STK11: variants seen among roughly 807,000 people sequenced by gnomAD.
STK11 encodes the protein serine/threonine kinase 11, also known as serine/threonine-protein kinase STK11.
Under a neutral mutation model 47.3 loss-of-function variants are expected in STK11, and 8 were observed. The observed-to-expected ratio is 0.17, with a 90% CI of 0.10 to 0.31. The LOEUF (loss-of-function observed/expected upper bound fraction) is 0.31, where lower values mean the gene tolerates loss of function less well. STK11 is among the 10% of genes least tolerant of loss of function. The pLI is 1.00. For missense variants in STK11, 475 were observed against 605.0 expected, an observed-to-expected ratio of 0.79 and a Z score of 2.25; for synonymous variants, 330 against 255.8, an observed-to-expected ratio of 1.29 and a Z score of -2.77.
rs1057520874 is a variant in STK11, at chr19:1,221,196, C to T, written c.735-17C>T. On this transcript the variant is annotated splice_polypyrimidine_tract_variant and intron_variant, in intron 5 of 9. Transcript: ENST00000326873. Reference sequence around the variant, plus strand: ...CCTTGACTGACCACGCCTTTCTTCCCTCCCCTCGAAATGAAGCTACAACAT... The same window carrying T: ...CCTTGACTGACCACGCCTTTCTTCCTTCCCCTCGAAATGAAGCTACAACAT... The T allele has an allele frequency of 9.3e-6, 15 of 1,611,230 alleles. No individual in the cohort carries two copies. Among genetic ancestry groups the T allele is most frequent in the East Asian group, 2.2e-5 (1 of 44,842 alleles).
chr19:1,212,660 C>T (rs552922079), intron 1 of STK11, among the ~76,000 whole-genome samples: 3 of 151,806 alleles, frequency 2.0e-5, no homozygotes, highest in Non-Finnish European at 2.9e-5. Context: ...CCGCTTCAGC[C>T]TCCCAAGTAA....
In STK11 at chr19:1,206,962, C is replaced by G. The variant is rs780581573; in HGVS notation, c.49C>G (p.Leu17Val). The G allele has an allele frequency of 1.9e-6, 3 of 1,609,476 alleles. No individual in the cohort carries two copies. The highest frequency in any genetic ancestry group is 2.7e-5 in the African/African-American group (2 of 74,824). ...GCTGGGCATGTTCACGGAGGGCGAG[C>G]TGATGTCGGTGGGTATGGACACGTT... ...QQLGMFTEGE[L>V]MSVGMDTFIH... is the part of the protein sequence containing the mutation. The change falls in exon 1 of 10, where the codon CTG becomes GTG. Residue 17 changes from leucine (L) to valine (V), a missense_variant. Leu to Val is a conservative substitution (Grantham distance 32). Coordinates refer to ENST00000326873, the MANE Select transcript of STK11 (RefSeq NM_000455.5).
intron 1 of STK11, among the ~76,000 whole-genome samples, chr19:1,211,675 T>A (rs2080711646): frequency 6.6e-6 from 1 of 152,234 alleles, no homozygotes. Context: ...TATCTTTTCT[T>A]TCTACCTGTT....
chr19:1,206,805 TTTC>T lies in STK11; in HGVS notation c.-106_-104del. 1 of 1,370,932 alleles carries T rather than the reference TTTC, an allele frequency of 7.3e-7. No individual in the cohort carries two copies. The highest frequency in any genetic ancestry group is 9.7e-7 in the Non-Finnish European group (1 of 1,034,420). 84.9% of individuals were successfully genotyped at this position (1,370,932 alleles called of 1,614,324 possible). A position where few individuals can be genotyped will look rare whatever the true frequency, so the allele number is the denominator to read the frequency against. On this transcript the variant is annotated 5_prime_UTR_variant, in exon 1 of 10. Transcript: ENST00000326873. Reference sequence around the variant, plus strand: ...TTTGGGGTTTTTGTTGCCTTTTTTTTTTCTTTTTTCTTTGTAAAATTTTGGAGA... The same window carrying T: ...TTTGGGGTTTTTGTTGCCTTTTTTTTTTTTTTCTTTGTAAAATTTTGGAGA...
In STK11 at chr19:1,228,073, GA is replaced by G. The variant is rs1426744537; in HGVS notation, c.*503del. 3.8e-6 allele frequency: 4 copies of G among 1,042,488 alleles called. No individual in the cohort carries two copies. Among genetic ancestry groups the G allele is most frequent in the East Asian group, 5.5e-5 (1 of 18,140 alleles). 64.6% of individuals were successfully genotyped at this position (1,042,488 alleles called of 1,614,324 possible). A position where few individuals can be genotyped will look rare whatever the true frequency, so the allele number is the denominator to read the frequency against. On this transcript the variant is annotated 3_prime_UTR_variant, in exon 10 of 10. Transcript: ENST00000326873. ...TTTCTTTTTTTCTTTTTTTTTTTAA[GA>G]AAAAATAAAAGGTGGATTTGAGCTG...
chr19:1,211,528 T>C (rs1164174255), intron 1 of STK11, among the ~76,000 whole-genome samples: 1 of 151,946 alleles, frequency 6.6e-6, no homozygotes, highest in African/African-American at 2.4e-5. Flanking sequence ...GAGAGTGGGC[T>C]CGAAGGCAGG....
At chr19:1,220,259 T>C (rs1599926316) in intron 3 of STK11, 114 bp from the exon 4 acceptor site, 1 of 1,396,842 alleles carries the variant, frequency 7.2e-7, no homozygotes, top group South Asian at 1.3e-5. Context: ...CCTGGACTTC[T>C]GTGACTTCCC....
At chr19:1,220,842 C>T (rs942581801) in intron 5 of STK11, 125 bp downstream of exon 5, 23 of 1,390,278 alleles carry the variant, frequency 1.7e-5, no homozygotes, top group Non-Finnish European at 2.0e-5. Context: ...TGGCCACAGC[C>T]GCTAGGGGGT....
At chr19:1,220,267 C>T (rs1025378711) in intron 3 of STK11, 106 bp from the exon 4 acceptor site, 25 of 1,438,396 alleles carry the variant, frequency 1.7e-5, no homozygotes, top group Non-Finnish European at 2.2e-5. Context: ...TCTGTGACTT[C>T]CCAGCTGGGC....
chr19:1,227,538 G>A, intron 9 of STK11, 55 bp from the exon 10 acceptor site: 1 of 1,062,246 alleles, frequency 9.4e-7, no homozygotes, highest in Non-Finnish European at 1.1e-6. Context: ...GGGCCCGCGG[G>A]AGGCGGAGAA....
At chr19:1,217,447 G>A (rs780451832) in intron 1 of STK11, among the ~76,000 whole-genome samples, 7 of 152,068 alleles carry the variant, frequency 4.6e-5, no homozygotes, top group Admixed American at 1.3e-4. Context: ...TGATCCACCC[G>A]CCTCGGCCTC....
Position 1,227,776 on chromosome 19 carries a change from C to A in STK11, c.*200C>A, listed in dbSNP as rs561359794. ...CCGGGCGCAGCCCTCCCCCCTCGGCCGCCCGGCAGTGCACGCGGCTTGTTG... is the reference window on the plus strand; with the variant it reads ...CCGGGCGCAGCCCTCCCCCCTCGGCAGCCCGGCAGTGCACGCGGCTTGTTG... On this transcript the variant is annotated 3_prime_UTR_variant, in exon 10 of 10. Transcript: ENST00000326873. 5.6e-5 allele frequency: 60 copies of A among 1,074,064 alleles called. No individual in the cohort carries two copies. The highest frequency in any genetic ancestry group is 6.4e-5 in the Non-Finnish European group (57 of 884,676). The allele number at this position is 1,074,064 out of a possible 1,614,324, so 66.5% of individuals were successfully genotyped here.
At position 1,227,807 on chromosome 19, in the gene STK11, G is replaced by A; in HGVS notation, c.*231G>A. 9.3e-7 allele frequency: 1 copy of A among 1,072,438 alleles called. No homozygotes were observed. Among genetic ancestry groups the A allele is most frequent in the South Asian group, 4.5e-5 (1 of 22,030 alleles). The allele number at this position is 1,072,438 out of a possible 1,614,324, so 66.4% of individuals were successfully genotyped here. ...GCAGTGCACGCGGCTTGTTGACTTC[G>A]CAGCCCCGGGCGGAGCCTTCCCGGG... On this transcript the variant is annotated 3_prime_UTR_variant, in exon 10 of 10. Transcript: ENST00000326873.
At chr19:1,226,302 A>AT (rs2080820147) in intron 8 of STK11, 152 bp from the exon 9 acceptor site, 1 of 1,452,834 alleles carries the variant, frequency 6.9e-7, no homozygotes, top group Admixed American at 2.6e-5. Flanking sequence ...GGGGGGCAGC[A>AT]TTTCAGGCTG....
At position 1,223,007 on chromosome 19, in the gene STK11, C is replaced by T. The variant is rs786202431; in HGVS notation, c.943C>T (p.Pro315Ser). The T allele has an allele frequency of 1.3e-6, 2 of 1,568,816 alleles. No individual in the cohort carries two copies. Among genetic ancestry groups the T allele is most frequent in the South Asian group, 1.2e-5 (1 of 85,942 alleles). Residue 315 changes from proline (P) to serine (S), a missense_variant, in exon 8 of 10, where the codon CCG becomes TCG. By Grantham distance (74) the Pro-to-Ser change is moderately conservative. Coordinates refer to ENST00000326873, the MANE Select transcript of STK11 (RefSeq NM_000455.5). ...CAGCTGGTTCCGGAAGAAACATCCTCCGGCTGAAGCACCAGTGCCCATCCC... is the reference window on the plus strand; with the variant it reads ...CAGCTGGTTCCGGAAGAAACATCCTTCGGCTGAAGCACCAGTGCCCATCCC... ...QHSWFRKKHPPAEAPVPIPPS... is the reference protein window; with the variant it reads ...QHSWFRKKHPSAEAPVPIPPS...
rs1359075534 is a variant in STK11, at chr19:1,206,857, G to C, written c.-57G>C. The C allele has an allele frequency of 1.3e-6, 2 of 1,518,816 alleles. No homozygotes were observed. Among genetic ancestry groups the C allele is most frequent in the Non-Finnish European group, 1.8e-6 (2 of 1,125,726 alleles). The allele number at this position is 1,518,816 out of a possible 1,614,324, so 94.1% of individuals were successfully genotyped here. A position where few individuals can be genotyped will look rare whatever the true frequency, so the allele number is the denominator to read the frequency against. On this transcript the variant is annotated 5_prime_UTR_variant, in exon 1 of 10. Transcript: ENST00000326873. ...GAAGGGAAGTCGGAACACAAGGAAG[G>C]ACCGCTCACCCGCGGACTCAGGGCT...
chr19:1,206,970 G>A lies in STK11; in HGVS notation c.57G>A (p.Ser19=), dbSNP rs748698151. The change falls in exon 1 of 10, where the codon TCG becomes TCA. Residue 19 remains serine (S), a synonymous_variant. Coordinates refer to ENST00000326873, the MANE Select transcript of STK11 (RefSeq NM_000455.5). ...TGTTCACGGAGGGCGAGCTGATGTC[G>A]GTGGGTATGGACACGTTCATCCACC... ...LGMFTEGELM[S]VGMDTFIHRI... 6.2e-7 allele frequency: 1 copy of A among 1,611,308 alleles called. No homozygotes were observed. Among genetic ancestry groups the A allele is most frequent in the Non-Finnish European group, 8.5e-7 (1 of 1,178,956 alleles).
Position 1,228,188 on chromosome 19 carries a change from A to AT in STK11, c.*612_*613insT. On this transcript the variant is annotated 3_prime_UTR_variant, in exon 10 of 10. Transcript: ENST00000326873. ...GCGGCCGCCTTTGCGCTCTCGGGTCACCCTGCTTTGGCGGCCCGGCCGGAG... is the reference window on the plus strand; with the variant it reads ...GCGGCCGCCTTTGCGCTCTCGGGTCATCCCTGCTTTGGCGGCCCGGCCGGAG... 1 of 1,040,600 alleles carries AT rather than the reference A, an allele frequency of 9.6e-7. No homozygotes were observed. 64.5% of individuals were successfully genotyped at this position (1,040,600 alleles called of 1,614,324 possible).
Position 1,206,920 on chromosome 19 carries a change from G to A in STK11, c.7G>A (p.Val3Met), listed in dbSNP as rs906049559. Residue 3 changes from valine to methionine, a missense_variant, in exon 1 of 10, where the codon GTG (valine) becomes ATG (methionine). Val to Met is a conservative substitution (Grantham distance 21). Transcript: ENST00000326873. ...CCAGGACCCTGGGTCCAGCATGGAGGTGGTGGACCCGCAGCAGCTGGGCAT... is the reference window on the plus strand; with the variant it reads ...CCAGGACCCTGGGTCCAGCATGGAGATGGTGGACCCGCAGCAGCTGGGCAT... ME[V>M]VDPQQLGMFT... The A allele has an allele frequency of 6.3e-7, 1 of 1,581,672 alleles. No individual in the cohort carries two copies. The highest frequency in any genetic ancestry group is 8.6e-7 in the Non-Finnish European group (1 of 1,164,398).
Sources: gnomAD v4.1 joint callset for allele counts (sites outside exome capture counted in the v4.1 genomes callset) on GRCh38, gnomAD v4.1.1 for gene constraint, MANE v1.5 for transcripts, NCBI Gene and HGNC (gene_info 2026-07-23, HGNC 2026-07-21) for gene names.